Variants in DNAH1 observed in about 807,000 individuals in gnomAD.
DNAH1 encodes the protein dynein axonemal heavy chain 1.
Under a neutral mutation model 484.3 loss-of-function variants are expected in DNAH1, and 327 were observed. The ratio of observed to expected loss-of-function variants is 0.68; its 90% CI spans 0.62 to 0.74. DNAH1 has a LOEUF of 0.74. DNAH1 is among the 30% of genes least tolerant of loss of function. The pLI, the probability that DNAH1 is intolerant of heterozygous loss-of-function variation, is 0.00. For missense variants in DNAH1, 5,052 were observed against 5,546.8 expected, an observed-to-expected ratio of 0.91 and a Z score of 2.83; for synonymous variants, 2,192 against 2,191.9, an observed-to-expected ratio of 1.00 and a Z score of 0.00.
At position 52,396,508 on chromosome 3, in the gene DNAH1, T is replaced by C; in HGVS notation, c.11400T>C (p.Leu3800=). 1.2e-6 allele frequency: 2 copies of C among 1,611,114 alleles called. No homozygotes were observed. The highest frequency in any genetic ancestry group is 1.7e-6 in the Non-Finnish European group (2 of 1,178,680). ...RANLLKSYSS[L]GEDFLNSCHK... is the part of the protein sequence containing the mutation. ...ACCTGCTGAAGTCCTATAGTAGCCT[T>C]GGTGAAGACTTCCTCAACTCCTGCC... Residue 3800 remains leucine, a synonymous_variant, in exon 71 of 78, where the codon CTT becomes CTC. Coordinates refer to ENST00000420323, the MANE Select transcript of DNAH1 (RefSeq NM_015512.5).
rs549677877 is a variant in DNAH1, at chr3:52,395,814, T to C, written c.11259+136T>C. On this transcript the variant is annotated intron_variant, in intron 70 of 77. Coordinates refer to ENST00000420323, the MANE Select transcript of DNAH1 (RefSeq NM_015512.5). This position sits in a 1 kb window ranked among gnomAD's most constrained non-coding sequence, Gnocchi z 4.4. ...CGTGGCAAGTGCTCAGCAACTGACA[T>C]GTGCCACACATCGACATCATTAATC... 6 of 1,266,714 alleles carry C rather than the reference T, an allele frequency of 4.7e-6. No homozygotes were observed. In the African/African-American group the frequency reaches 9.0e-5, roughly 19 times the overall value. The allele number at this position is 1,266,714 out of a possible 1,614,324, so 78.5% of individuals were successfully genotyped here. A position where few individuals can be genotyped will look rare whatever the true frequency, so the allele number is the denominator to read the frequency against.
rs767149546 is a variant in DNAH1, at chr3:52,349,176, G to A, written c.2301-19G>A. ...TGCTCACCATCCTCTGCCCCCTCCC[G>A]TGTGCTTGCTGTCCTCAGAACCTAC... is the stretch of plus-strand genomic sequence containing the variant. On this transcript the variant is annotated intron_variant, in intron 13 of 77. Coordinates refer to ENST00000420323, the MANE Select transcript of DNAH1 (RefSeq NM_015512.5). 48 of 1,612,028 alleles carry A rather than the reference G, an allele frequency of 3.0e-5. No individual in the cohort carries two copies. In the East Asian group the frequency reaches 6.9e-4, roughly 23 times the overall value.
chr3:52,346,370 C>A, intron 10 of DNAH1, 102 bp from the exon 11 acceptor site: 1 of 1,265,394 alleles, frequency 7.9e-7, no homozygotes. Context: ...GTCAGATGAG[C>A]CCTGAGCCGC....
At chr3:52,326,107 C>T (rs1372908366) in intron 3 of DNAH1, 33 bp from the exon 4 acceptor site, 1 of 1,521,008 alleles carries the variant, frequency 6.6e-7, no homozygotes, top group Non-Finnish European at 8.8e-7. Context: ...CTGGCCTGAG[C>T]CCTGAAGCCC....
rs369765657 is a variant in DNAH1 at position 52,391,465 on chromosome 3, C to T, written c.9914C>T (p.Thr3305Met). ...CAGACGTACAAGCAGCAGGGAAACACGGTGCTGAAGCTGGGGGACACGGTG... is the reference window on the plus strand; with the variant it reads ...CAGACGTACAAGCAGCAGGGAAACATGGTGCTGAAGCTGGGGGACACGGTG... ...LKQTYKQQGN[T>M]VLKLGDTVIP... Residue 3305 changes from threonine to methionine, a missense_variant, in exon 63 of 78, where the codon ACG becomes ATG. By Grantham distance (81) the Thr-to-Met change is moderately conservative (BLOSUM62 -1). Coordinates refer to ENST00000420323, the MANE Select transcript of DNAH1 (RefSeq NM_015512.5). 14 of 1,611,746 alleles carry T rather than the reference C, an allele frequency of 8.7e-6. No homozygotes were observed. The highest frequency in any genetic ancestry group is 1.3e-5 in the African/African-American group (1 of 74,788).
rs1703749984 is a variant in DNAH1, at chr3:52,379,577, G to A, written c.7378-328G>A. On this transcript the variant is annotated intron_variant, in intron 47 of 77. Coordinates refer to ENST00000420323, the MANE Select transcript of DNAH1 (RefSeq NM_015512.5). This position sits in a 1 kb window ranked among gnomAD's most constrained non-coding sequence, Gnocchi z 4.4. The stretch of plus-strand genomic sequence containing the variant: ...ATCAAGCATCCCTCCCAGGTTTGGG[G>A]TTAGGGGAGCGACAGGGGGCTAAAA... 6.6e-6 allele frequency among the ~76,000 whole-genome samples: 1 copy of A among 152,164 alleles called. No individual in the cohort carries two copies. The highest frequency in any genetic ancestry group is 2.4e-5 in the African/African-American group (1 of 41,430).
At position 52,346,744 on chromosome 3, in the gene DNAH1, T is replaced by C; in HGVS notation, c.1929T>C (p.Gly643=). 1.2e-6 allele frequency: 2 copies of C among 1,606,906 alleles called. No individual in the cohort carries two copies. The highest frequency in any genetic ancestry group is 2.7e-5 in the African/African-American group (2 of 74,878). Residue 643 remains glycine, a synonymous_variant, in exon 11 of 78, where the codon GGT becomes GGC. Coordinates refer to ENST00000420323, the MANE Select transcript of DNAH1 (RefSeq NM_015512.5). ...VLNCTDDMVW[G]DDLINSPYRP... is the part of the protein sequence containing the mutation. Reference sequence around the variant, plus strand: ...ACTGCACCGATGACATGGTCTGGGGTGACGACTTAATTAACAGCCCCTACA... The same window carrying C: ...ACTGCACCGATGACATGGTCTGGGGCGACGACTTAATTAACAGCCCCTACA...
At chr3:52,345,195 G>A (rs1459330921) in intron 9 of DNAH1, among the ~76,000 whole-genome samples, 1 of 152,174 alleles carries the variant, frequency 6.6e-6, no homozygotes, top group Non-Finnish European at 1.5e-5. Flanking sequence ...TTAAGCTTGT[G>A]TGCAGCACGG....
chr3:52,364,876 A>G lies in DNAH1; in HGVS notation c.5375A>G (p.Lys1792Arg), dbSNP rs755604954. 9 of 1,613,898 alleles carry G rather than the reference A, an allele frequency of 5.6e-6. No individual in the cohort carries two copies. Among genetic ancestry groups the G allele is most frequent in the African/African-American group, 4.0e-5 (3 of 74,926 alleles). The change falls in exon 34 of 78, where the codon AAG becomes AGG. Residue 1792 changes from lysine (K) to arginine (R), a missense_variant. This residue lies in a region of DNAH1 where 2,929 missense variants were observed against 3,409.4 expected (regional missense o/e 0.86). Coordinates refer to ENST00000420323, the MANE Select transcript of DNAH1 (RefSeq NM_015512.5). The surrounding 1 kb of genome is among the most constrained non-coding windows in gnomAD (Gnocchi z 4.2). ...LRAIRDVNVP[K>R]FLQEDLKLFS... ...GCCATCCGTGATGTGAACGTGCCCA[A>G]GTTCCTGCAGGAGGACCTCAAGCTC... is the stretch of plus-strand genomic sequence containing the variant.
chr3:52,370,056 G>T, intron 38 of DNAH1, 37 bp downstream of exon 38: 1 of 1,613,536 alleles, frequency 6.2e-7, no homozygotes, highest in Non-Finnish European at 8.5e-7. Context: ...CCCTGGCAGG[G>T]CAGCAGGGCA....
intron 3 of DNAH1, among the ~76,000 whole-genome samples, chr3:52,324,540 T>A (rs1307893739): frequency 6.6e-6 from 1 of 152,126 alleles, no homozygotes; most frequent in African/African-American, 2.4e-5. Flanking sequence ...CAGGCCCAGA[T>A]GCCCTGTGGC....
Position 52,360,325 on chromosome 3 carries a change from A to G in DNAH1, c.4586A>G (p.Asn1529Ser), listed in dbSNP as rs1350317039. ...WISQLRYYWT[N>S]NDLYIRAVNA... Reference sequence around the variant, plus strand: ...TGCACCGCCAGGTACTACTGGACAAATAATGACCTGTATATCCGTGCTGTG... The same window carrying G: ...TGCACCGCCAGGTACTACTGGACAAGTAATGACCTGTATATCCGTGCTGTG... The change falls in exon 28 of 78, where the codon AAT becomes AGT. Residue 1529 changes from asparagine (N) to serine (S), a missense_variant. Around this residue, in one of 4 missense-constraint regions of DNAH1, gnomAD observed 2,929 missense variants for 3,409.4 expected, o/e 0.86. Transcript: ENST00000420323. 5 of 1,613,808 alleles carry G rather than the reference A, an allele frequency of 3.1e-6. No individual in the cohort carries two copies. In the African/African-American group the frequency reaches 4.0e-5, roughly 13 times the overall value.
chr3:52,394,494 C>T lies in DNAH1; in HGVS notation c.10656C>T (p.Gly3552=). 6.2e-7 allele frequency: 1 copy of T among 1,614,038 alleles called. No individual in the cohort carries two copies. The highest frequency in any genetic ancestry group is 8.5e-7 in the Non-Finnish European group (1 of 1,179,882). ...QSEWRYLLSG[G]SISIMTENPA... ...AGTGGCGATACCTCCTGTCTGGGGG[C>T]TCCATCTCGATCATGACTGAGAATC... Residue 3552 remains glycine (G), a synonymous_variant, in exon 67 of 78, where the codon GGC becomes GGT. Transcript: ENST00000420323.
chr3:52,398,386 A>G (rs1274236916), intron 75 of DNAH1, among the ~76,000 whole-genome samples: 3 of 152,130 alleles, frequency 2.0e-5, no homozygotes, highest in Non-Finnish European at 4.4e-5. Flanking sequence ...GGTTCAAGCG[A>G]TTCTCCTGCC....
In DNAH1 at chr3:52,363,139, T is replaced by A; in HGVS notation, c.5239T>A (p.Ser1747Thr). 1 of 1,613,862 alleles carries A rather than the reference T, an allele frequency of 6.2e-7. No homozygotes were observed. The change falls in exon 32 of 78, where the codon TCC (serine) becomes ACC (threonine). Residue 1747 changes from serine to threonine, a missense_variant. Around this residue, in one of 4 missense-constraint regions of DNAH1, gnomAD observed 2,929 missense variants for 3,409.4 expected, o/e 0.86. Coordinates refer to ENST00000420323, the MANE Select transcript of DNAH1 (RefSeq NM_015512.5). ...CAAGCTGTCTTCTGAGCAGCTCAGCTCCCAGGTGTGGTCCTGCCCTGATGG... is the reference window on the plus strand; with the variant it reads ...CAAGCTGTCTTCTGAGCAGCTCAGCACCCAGGTGTGGTCCTGCCCTGATGG... ...TFKLSSEQLSSQDHYDFGMRA... is the reference protein window; with the variant it reads ...TFKLSSEQLSTQDHYDFGMRA...
Position 52,370,245 on chromosome 3 carries a change from TG to T in DNAH1, c.6258+20del, listed in dbSNP as rs1703274460. 1 of 1,611,778 alleles carries T rather than the reference TG, an allele frequency of 6.2e-7. No homozygotes were observed. The highest frequency in any genetic ancestry group is 2.2e-5 in the East Asian group (1 of 44,818). On this transcript the variant is annotated intron_variant, in intron 39 of 77. Coordinates refer to ENST00000420323, the MANE Select transcript of DNAH1 (RefSeq NM_015512.5). ...GCCTAGAGAGGTACAGCCCTGAGAG[TG>T]GGGCTAGATGCACCTGGTCCCTCTC...
At chr3:52,329,714 A>G (rs573574350) in intron 6 of DNAH1, among the ~76,000 whole-genome samples, 2 of 152,052 alleles carry the variant, frequency 1.3e-5, no homozygotes, top group African/African-American at 2.4e-5. Context: ...AATCCCAGCT[A>G]CTCGGGAGGC....
rs543543623 is a variant in DNAH1 at position 52,344,700 on chromosome 3, C to T, written c.1444+53C>T. The T allele has an allele frequency of 1.9e-5, 30 of 1,554,020 alleles. No homozygotes were observed. The African/African-American group carries it at 3.7e-4, about 19-fold the overall frequency. On this transcript the variant is annotated intron_variant, in intron 9 of 77. Coordinates refer to ENST00000420323, the MANE Select transcript of DNAH1 (RefSeq NM_015512.5). Reference sequence around the variant, plus strand: ...CCATGGCCATCCACCTGGCCAGAGCCCCCTCCCACCTTCCCCTCCAGGATT... The same window carrying T: ...CCATGGCCATCCACCTGGCCAGAGCTCCCTCCCACCTTCCCCTCCAGGATT...
At chr3:52,324,904 G>A (rs1333825700) in intron 3 of DNAH1, among the ~76,000 whole-genome samples, 2 of 152,080 alleles carry the variant, frequency 1.3e-5, no homozygotes, top group African/African-American at 2.4e-5. Flanking sequence ...AACCAGTAGT[G>A]GACATTCACT....
Sources: gnomAD v4.1 joint callset for allele counts (sites outside exome capture counted in the v4.1 genomes callset) on GRCh38, gnomAD v4.1.1 for gene constraint, gnomAD v4.1.1 regional missense constraint, Gnocchi (gnomAD v3.1) non-coding constraint, MANE v1.5 for transcripts, NCBI Gene and HGNC (gene_info 2026-07-23, HGNC 2026-07-21) for gene names.